Variants in FOXA1 observed in about 807,000 individuals in gnomAD.
FOXA1 encodes the protein forkhead box A1.
In FOXA1, 9 loss-of-function variants were observed where a neutral mutation model predicts 29.2. The ratio of observed to expected loss-of-function variants is 0.31; its 90% CI spans 0.19 to 0.54. The LOEUF (loss-of-function observed/expected upper bound fraction) is 0.54. FOXA1 is among the 20% of genes least tolerant of loss of function. The pLI is 0.95. For missense variants in FOXA1, 644 were observed against 681.2 expected (o/e 0.95, Z 0.61); for synonymous variants, 340 against 300.9 (o/e 1.13, Z -1.34).
Position 37,592,238 on chromosome 14 carries a change from G to A in FOXA1, c.546C>T (p.Ala182=), listed in dbSNP as rs1437555257. The part of the protein sequence containing the change: ...PYSYISLITM[A]IQQAPSKMLT... ...GCATCTTGCTGGGCGCCTGCTGGAT[G>A]GCCATGGTGATGAGCGAGATGTACG... The change falls in exon 2 of 2, where the codon GCC becomes GCT. Residue 182 remains alanine, a synonymous_variant. Coordinates refer to ENST00000250448, the MANE Select transcript of FOXA1 (RefSeq NM_004496.5). 1.7e-5 allele frequency: 28 copies of A among 1,613,898 alleles called. No homozygotes were observed. Among genetic ancestry groups the A allele is most frequent in the East Asian group, 1.6e-4 (7 of 44,854 alleles).
intron 1 of FOXA1, chr14:37,594,450 C>T (rs2095599767): frequency 4.4e-6 from 4 of 918,528 alleles, no homozygotes; most frequent in Non-Finnish European, 5.2e-6. Context: ...ATTGAGACAC[C>T]CAACTTGGCG....
chr14:37,590,993 C>A lies in FOXA1; in HGVS notation c.*372G>T, dbSNP rs577328157. 1.5e-5 allele frequency: 6 copies of A among 404,166 alleles called. No homozygotes were observed. The highest frequency in any genetic ancestry group is 2.7e-5 in the Non-Finnish European group (6 of 218,752). 25.0% of individuals were successfully genotyped at this position (404,166 alleles called of 1,614,324 possible). ...CAAACAAATATTTTACAAACTTGAC[C>A]ATCTTCCTTTTTTGTTTTTTTAAAT... On this transcript the variant is annotated 3_prime_UTR_variant, in exon 2 of 2. Transcript: ENST00000250448.
Position 37,591,521 on chromosome 14 carries a change from TTC to T in FOXA1, c.1261_1262del (p.Glu421ThrfsTer136). ...QQHKLDFKAY[E>X]QALQYSPYGS... ...CGTAAGGCGAGTATTGCAGTGCCTG[TTC>T]GTATGCCTTGAAGTCCAGCTTATGC... On this transcript the variant is annotated frameshift_variant, in exon 2 of 2. Coordinates refer to ENST00000250448, the MANE Select transcript of FOXA1 (RefSeq NM_004496.5). LOFTEE classifies it high-confidence loss of function. 6.2e-7 allele frequency: 1 copy of T among 1,614,176 alleles called. No individual in the cohort carries two copies. Among genetic ancestry groups the T allele is most frequent in the Non-Finnish European group, 8.5e-7 (1 of 1,180,012 alleles).
intron 1 of FOXA1, among the ~76,000 whole-genome samples, chr14:37,593,606 C>G (rs558619669): frequency 6.6e-6 from 1 of 151,960 alleles, no homozygotes; most frequent in Admixed American, 6.6e-5. Flanking sequence ...TACTTATTTT[C>G]TCTTAATGCT....
Position 37,591,872 on chromosome 14 carries a change from G to T in FOXA1, c.912C>A (p.Ser304Arg), listed in dbSNP as rs764636331. The change falls in exon 2 of 2, where the codon AGC becomes AGA. Residue 304 changes from serine (S) to arginine (R), a missense_variant. Ser to Arg is a moderately radical substitution (Grantham distance 110). Around this residue, in one of 5 missense-constraint regions of FOXA1, gnomAD observed 295 missense variants for 294.4 expected, o/e 1.00. Coordinates refer to ENST00000250448, the MANE Select transcript of FOXA1 (RefSeq NM_004496.5). ...RKDPSGASNPSADSPLHRGVH... is the reference protein window; with the variant it reads ...RKDPSGASNPRADSPLHRGVH... ...CACCCCGATGGAGGGGCGAGTCGGC[G>T]CTGGGGTTAGAGGCGCCAGAGGGGT... is the stretch of plus-strand genomic sequence containing the variant. 25 of 1,451,960 alleles carry T rather than the reference G, an allele frequency of 1.7e-5. No homozygotes were observed. Among genetic ancestry groups the T allele is most frequent in the Non-Finnish European group, 2.7e-6 (3 of 1,108,130 alleles). The allele number at this position is 1,451,960 out of a possible 1,614,324, so 89.9% of individuals were successfully genotyped here. A position where few individuals can be genotyped will look rare whatever the true frequency, so the allele number is the denominator to read the frequency against.
rs1183289159 is a variant in FOXA1, at chr14:37,591,874, T to C, written c.910A>G (p.Ser304Gly). The C allele has an allele frequency of 1.4e-6, 2 of 1,452,164 alleles. No individual in the cohort carries two copies. The highest frequency in any genetic ancestry group is 1.8e-6 in the Non-Finnish European group (2 of 1,108,114). The allele number at this position is 1,452,164 out of a possible 1,614,324, so 90.0% of individuals were successfully genotyped here. A position where few individuals can be genotyped will look rare whatever the true frequency, so the allele number is the denominator to read the frequency against. Reference protein sequence around the residue: ...RKDPSGASNPSADSPLHRGVH... With the variant: ...RKDPSGASNPGADSPLHRGVH... ...CCCCGATGGAGGGGCGAGTCGGCGC[T>C]GGGGTTAGAGGCGCCAGAGGGGTCC... The change falls in exon 2 of 2, where the codon AGC (serine) becomes GGC (glycine). Residue 304 changes from serine (S) to glycine (G), a missense_variant. By Grantham distance (56) the Ser-to-Gly change is moderately conservative. This residue lies in a region of FOXA1 where 295 missense variants were observed against 294.4 expected (regional missense o/e 1.00). Coordinates refer to ENST00000250448, the MANE Select transcript of FOXA1 (RefSeq NM_004496.5).
At chr14:37,594,488 G>T in intron 1 of FOXA1, 2 of 557,550 alleles carry the variant, frequency 3.6e-6, no homozygotes, top group Non-Finnish European at 4.6e-6. Context: ...GAAGACGTCT[G>T]CGAATTAAAC....
In FOXA1 at chr14:37,591,172, A is replaced by G. The variant is rs575199708; in HGVS notation, c.*193T>C. The G allele has an allele frequency of 3.9e-6, 3 of 774,014 alleles. No homozygotes were observed. The highest frequency in any genetic ancestry group is 6.2e-6 in the Non-Finnish European group (3 of 486,024). 47.9% of individuals were successfully genotyped at this position (774,014 alleles called of 1,614,324 possible). A position where few individuals can be genotyped will look rare whatever the true frequency, so the allele number is the denominator to read the frequency against. ...TGTCTTTGTAGTAATATACACAATG[A>G]ATTTTGAATACAATAATAAAGTAAC... On this transcript the variant is annotated 3_prime_UTR_variant, in exon 2 of 2. Transcript: ENST00000250448.
intron 1 of FOXA1, among the ~76,000 whole-genome samples, 155 bp from the exon 2 acceptor site, chr14:37,592,866 C>T (rs1003698404): frequency 6.6e-6 from 1 of 152,220 alleles, no homozygotes; most frequent in Non-Finnish European, 1.5e-5. Context: ...AGCGCCCTCC[C>T]CAGACCGAGC....
At chr14:37,593,420 TCG>T (rs1456172250) in intron 1 of FOXA1, among the ~76,000 whole-genome samples, 1 of 152,180 alleles carries the variant, frequency 6.6e-6, no homozygotes, top group East Asian at 1.9e-4. Context: ...ATTTAGAAAC[TCG>T]CATTAATTTT....
At chr14:37,593,492 CTTT>C (rs879353803) in intron 1 of FOXA1, among the ~76,000 whole-genome samples, 2 of 146,582 alleles carry the variant, frequency 1.4e-5, no homozygotes, top group African/African-American at 5.0e-5. Context: ...CAAAATAAAT[CTTT>C]TTTTTTTTTC....
At chr14:37,594,597 G>A (rs1024856087) in intron 1 of FOXA1, 1 of 189,684 alleles carries the variant, frequency 5.3e-6, no homozygotes, top group Admixed American at 6.3e-5. Flanking sequence ...CCCGGGCCCG[G>A]CTCCTGCTCC....
chr14:37,591,584 G>T lies in FOXA1; in HGVS notation c.1200C>A (p.Phe400Leu). The T allele has an allele frequency of 6.2e-7, 1 of 1,614,072 alleles. No individual in the cohort carries two copies. Among genetic ancestry groups the T allele is most frequent in the Non-Finnish European group, 8.5e-7 (1 of 1,179,978 alleles). The part of the protein sequence containing the change: ...GDPHYSFNHP[F>L]SINNLMSSSE... ...AGGAGGACATGAGGTTGTTGATGGA[G>T]AACGGGTGGTTGAAGGAGTAGTGGG... The change falls in exon 2 of 2, where the codon TTC (phenylalanine) becomes TTA (leucine). Residue 400 changes from phenylalanine to leucine, a missense_variant. Around this residue, in one of 5 missense-constraint regions of FOXA1, gnomAD observed 295 missense variants for 294.4 expected, o/e 1.00. Coordinates refer to ENST00000250448, the MANE Select transcript of FOXA1 (RefSeq NM_004496.5).
In FOXA1 at chr14:37,589,633, T is replaced by A. The variant is rs1044152204; in HGVS notation, c.*1732A>T. ...TTCTCAGATAAAGAAAAGTGATACA[T>A]TGGGGAAGGAGGAAAGGTAGTTAAA... On this transcript the variant is annotated 3_prime_UTR_variant, in exon 2 of 2. Transcript: ENST00000250448. 2.0e-5 allele frequency among the ~76,000 whole-genome samples: 3 copies of A among 151,744 alleles called. No homozygotes were observed. Among genetic ancestry groups the A allele is most frequent in the Non-Finnish European group, 4.4e-5 (3 of 67,978 alleles).
rs763720398 is a variant in FOXA1, at chr14:37,591,737, C to A, written c.1047G>T (p.Leu349Phe). ...GCGCAGTTGAGGAGGCTGGAGTCTT[C>A]AACTCCGAGGCGCCCCCTGTCGCCG... ...GATATGGASE[L>F]KTPASSTAPP... The change falls in exon 2 of 2, where the codon TTG becomes TTT. Residue 349 changes from leucine to phenylalanine, a missense_variant. Coordinates refer to ENST00000250448, the MANE Select transcript of FOXA1 (RefSeq NM_004496.5). 6.4e-7 allele frequency: 1 copy of A among 1,565,570 alleles called. No homozygotes were observed. The highest frequency in any genetic ancestry group is 8.7e-7 in the Non-Finnish European group (1 of 1,155,524).
rs761789499 is a variant in FOXA1 at position 37,592,318 on chromosome 14, C to A, written c.466G>T (p.Gly156Cys). 1 of 1,598,440 alleles carries A rather than the reference C, an allele frequency of 6.3e-7. No homozygotes were observed. The highest frequency in any genetic ancestry group is 2.2e-5 in the East Asian group (1 of 44,716). Residue 156 changes from glycine (G) to cysteine (C), a missense_variant, in exon 2 of 2, where the codon GGC becomes TGC. This residue lies in a region of FOXA1 where 309 missense variants were observed against 307.0 expected (regional missense o/e 1.01). Coordinates refer to ENST00000250448, the MANE Select transcript of FOXA1 (RefSeq NM_004496.5). ...CGCTTGAACGTCTTGGCGTCGCCGC[C>A]GCCGCCCGCGCGGCTGCGGCCCAGG... ...SNLGRSRAGG[G>C]GDAKTFKRSY...
chr14:37,591,467 T>G lies in FOXA1; in HGVS notation c.1317A>C (p.Leu439=). The change falls in exon 2 of 2, where the codon CTA becomes CTC. Residue 439 remains leucine (L), a synonymous_variant. Transcript: ENST00000250448. ...YGSTLPASLP[L]GSASVTTRSP... Reference sequence around the variant, plus strand: ...TCCTGGTGGTCACCGAGGCGCTGCCTAGAGGCAGGCTGGCGGGCAACGTAG... The same window carrying G: ...TCCTGGTGGTCACCGAGGCGCTGCCGAGAGGCAGGCTGGCGGGCAACGTAG... 1 of 1,614,224 alleles carries G rather than the reference T, an allele frequency of 6.2e-7. No homozygotes were observed. The highest frequency in any genetic ancestry group is 2.2e-5 in the East Asian group (1 of 44,872).
rs1325123172 is a variant in FOXA1 at position 37,591,884 on chromosome 14, G to A, written c.900C>T (p.Ala300=). Residue 300 remains alanine, a synonymous_variant, in exon 2 of 2, where the codon GCC becomes GCT. Coordinates refer to ENST00000250448, the MANE Select transcript of FOXA1 (RefSeq NM_004496.5). The part of the protein sequence containing the change: ...GPESRKDPSG[A]SNPSADSPLH... ...GGGGCGAGTCGGCGCTGGGGTTAGA[G>A]GCGCCAGAGGGGTCCTTGCGGCTCT... 21 of 1,454,460 alleles carry A rather than the reference G, an allele frequency of 1.4e-5. No individual in the cohort carries two copies. Among genetic ancestry groups the A allele is most frequent in the African/African-American group, 8.6e-5 (6 of 69,824 alleles). The allele number at this position is 1,454,460 out of a possible 1,614,324, so 90.1% of individuals were successfully genotyped here.
Position 37,589,636 on chromosome 14 carries a change from G to A in FOXA1, c.*1729C>T, listed in dbSNP as rs919525194. Among the ~76,000 whole-genome samples the A allele has an allele frequency of 5.9e-5, 9 of 151,840 alleles. No individual in the cohort carries two copies. The highest frequency in any genetic ancestry group is 9.7e-5 in the African/African-American group (4 of 41,332). On this transcript the variant is annotated 3_prime_UTR_variant, in exon 2 of 2. Coordinates refer to ENST00000250448, the MANE Select transcript of FOXA1 (RefSeq NM_004496.5). ...TCAGATAAAGAAAAGTGATACATTG[G>A]GGAAGGAGGAAAGGTAGTTAAATTA...
Sources: gnomAD v4.1 joint callset for allele counts (sites outside exome capture counted in the v4.1 genomes callset) on GRCh38, gnomAD v4.1.1 for gene constraint, gnomAD v4.1.1 regional missense constraint, MANE v1.5 for transcripts, NCBI Gene and HGNC (gene_info 2026-07-23, HGNC 2026-07-21) for gene names.